Variants in NEURL1 observed in about 807,000 individuals in gnomAD.
NEURL1 encodes E3 ubiquitin-protein ligase NEURL1.
Under a neutral mutation model 41.2 loss-of-function variants are expected in NEURL1, and 26 were observed. The ratio of observed to expected loss-of-function variants is 0.63; its 90% confidence interval spans 0.46 to 0.87. The LOEUF (loss-of-function observed/expected upper bound fraction) is 0.87. NEURL1 is among the 40% of genes least tolerant of loss of function. The pLI, the probability that NEURL1 is intolerant of heterozygous loss-of-function variation, is 0.00. For synonymous variants in NEURL1, 400 were observed against 402.3 expected (o/e 0.99, Z 0.07); for missense variants, 761 against 871.1 (o/e 0.87, Z 1.59).
In NEURL1 at chr10:103,545,992, T is replaced by C. The variant is rs1239322395; in HGVS notation, c.86-24880T>C. Among the ~76,000 whole-genome samples, 3 of 152,160 alleles carry C rather than the reference T, an allele frequency of 2.0e-5. No individual in the cohort carries two copies. Among genetic ancestry groups the C allele is most frequent in the African/African-American group, 4.8e-5 (2 of 41,440 alleles). On this transcript the variant is annotated intron_variant, in intron 1 of 5. Coordinates refer to ENST00000369780, the MANE Select transcript of NEURL1 (RefSeq NM_004210.5). The surrounding 1 kb of genome is among the most constrained non-coding windows in gnomAD (Gnocchi z 4.5). ...CAGCCAAAGTCCAGGGCAGTCCACA[T>C]TGGGATCAAATTTCACTTTTCTTTT... is the stretch of plus-strand genomic sequence containing the variant.
rs926654530 is a variant in NEURL1 at position 103,571,018 on chromosome 10, C to G, written c.232C>G (p.Leu78Val). ...HTKGSQILMDLSHKAVKRQAS... is the reference protein window; with the variant it reads ...HTKGSQILMDVSHKAVKRQAS... The stretch of plus-strand genomic sequence containing the variant: ...CAAGGGCTCCCAGATCCTCATGGAC[C>G]TCAGCCACAAGGCTGTCAAGAGGCA... Residue 78 changes from leucine to valine, a missense_variant, in exon 2 of 6, where the codon CTC (leucine) becomes GTC (valine). Physicochemically the swap from Leu to Val is conservative, Grantham distance 32. This residue lies in a region of NEURL1 where 65 missense variants were observed against 131.6 expected (regional missense o/e 0.49). Transcript: ENST00000369780. 1 of 1,614,046 alleles carries G rather than the reference C, an allele frequency of 6.2e-7. No individual in the cohort carries two copies. The highest frequency in any genetic ancestry group is 1.3e-5 in the African/African-American group (1 of 75,048).
chr10:103,537,382 CT>C (rs1211924935), intron 1 of NEURL1, among the ~76,000 whole-genome samples: 3 of 151,970 alleles, frequency 2.0e-5, no homozygotes, highest in Non-Finnish European at 4.4e-5. Context: ...TTTTTTCCCC[CT>C]ACTCCCTCCT....
intron 4 of NEURL1, among the ~76,000 whole-genome samples, chr10:103,586,005 G>A (rs1181720561): frequency 4.6e-5 from 7 of 151,854 alleles, no homozygotes; most frequent in Non-Finnish European, 1.0e-4. Context: ...TCTGGTTGGG[G>A]GACTCGGGGG....
In NEURL1 at chr10:103,571,019, TCAGC is replaced by T; in HGVS notation, c.236_239del (p.Ser79ThrfsTer29). The T allele has an allele frequency of 6.2e-7, 1 of 1,613,958 alleles. No individual in the cohort carries two copies. Among genetic ancestry groups the T allele is most frequent in the Non-Finnish European group, 8.5e-7 (1 of 1,180,008 alleles). ...AAGGGCTCCCAGATCCTCATGGACC[TCAGC>T]CACAAGGCTGTCAAGAGGCAGGCCA... On this transcript the variant is annotated frameshift_variant, in exon 2 of 6. Transcript: ENST00000369780. LOFTEE classifies it high-confidence loss of function.
chr10:103,505,166 A>G (rs1373075117), intron 1 of NEURL1, among the ~76,000 whole-genome samples: 1 of 145,454 alleles, frequency 6.9e-6, no homozygotes, highest in Non-Finnish European at 1.5e-5. Context: ...CAATCCTCCC[A>G]CCTCAGCCTC....
At chr10:103,510,738 C>G (rs1173145822) in intron 1 of NEURL1, among the ~76,000 whole-genome samples, 1 of 152,226 alleles carries the variant, frequency 6.6e-6, no homozygotes, top group East Asian at 1.9e-4. Context: ...ACCCACACCC[C>G]TCCTCTGTTT....
At chr10:103,590,071 TC>T (rs2036005266) in intron 5 of NEURL1, 62 bp from the exon 6 acceptor site, 1 of 1,508,874 alleles carries the variant, frequency 6.6e-7, no homozygotes, top group Admixed American at 1.7e-5. Flanking sequence ...GGAGCTCTCT[TC>T]CCGTGAATCC....
At chr10:103,535,655 C>T (rs2034675935) in intron 1 of NEURL1, among the ~76,000 whole-genome samples, 1 of 152,116 alleles carries the variant, frequency 6.6e-6, no homozygotes. Context: ...CCTGAGCAGC[C>T]AAGGTACTGT....
intron 1 of NEURL1, among the ~76,000 whole-genome samples, chr10:103,524,508 A>G (rs1267261833): frequency 6.6e-6 from 1 of 152,050 alleles, no homozygotes; most frequent in Non-Finnish European, 1.5e-5. Context: ...TTTCTTTATA[A>G]AATCTTTGCC....
rs1476610091 is a variant in NEURL1 at position 103,585,035 on chromosome 10, C to T, written c.1149C>T (p.Phe383=). The T allele has an allele frequency of 8.2e-6, 13 of 1,587,524 alleles. No individual in the cohort carries two copies. Among genetic ancestry groups the T allele is most frequent in the Non-Finnish European group, 1.0e-5 (12 of 1,175,108 alleles). The change falls in exon 4 of 6, where the codon TTC becomes TTT. Residue 383 remains phenylalanine (F), a synonymous_variant. Transcript: ENST00000369780. ...AGGCCCTGGTGGACCGCAAGGAATT[C>T]TGGGCCGTGTGCCGCGTGCCCGGGC... The part of the protein sequence containing the change: ...SPEALVDRKE[F]WAVCRVPGPL...
At chr10:103,570,408 T>G (rs1401601657) in intron 1 of NEURL1, among the ~76,000 whole-genome samples, 1 of 152,218 alleles carries the variant, frequency 6.6e-6, no homozygotes, top group African/African-American at 2.4e-5. Flanking sequence ...CCATGTATGT[T>G]TCATGTCTGT....
intron 1 of NEURL1, among the ~76,000 whole-genome samples, chr10:103,515,949 C>T (rs886920926): frequency 1.3e-5 from 2 of 152,008 alleles, no homozygotes; most frequent in African/African-American, 4.8e-5. Flanking sequence ...GTGCTTTGGC[C>T]GAGTGCGGTG....
chr10:103,539,817 G>A (rs1340120377), intron 1 of NEURL1, among the ~76,000 whole-genome samples: 7 of 152,208 alleles, frequency 4.6e-5, no homozygotes, highest in Admixed American at 3.9e-4. Context: ...GAATTGTTGG[G>A]TGGACTTTGA....
intron 1 of NEURL1, among the ~76,000 whole-genome samples, chr10:103,532,149 G>A (rs185477152): frequency 5.9e-5 from 9 of 152,308 alleles, no homozygotes; most frequent in African/African-American, 2.2e-4. Flanking sequence ...TTCAGGCAGT[G>A]TATGTCTTTT....
At chr10:103,516,858 C>G (rs2034220064) in intron 1 of NEURL1, among the ~76,000 whole-genome samples, 1 of 152,038 alleles carries the variant, frequency 6.6e-6, no homozygotes, top group South Asian at 2.1e-4. Context: ...TCTCCTTTCT[C>G]CTTTCTTCCT....
Position 103,494,285 on chromosome 10 carries a change from C to G in NEURL1, c.-103C>G. On this transcript the variant is annotated 5_prime_UTR_variant, in exon 1 of 6. Transcript: ENST00000369780. ...GGCTGCAGCCCCAGCAGGGCCCTCC[C>G]CCGGTGGCGCGCACCCGCGCGCGCA... The G allele has an allele frequency of 3.3e-6, 3 of 918,122 alleles. No individual in the cohort carries two copies. The highest frequency in any genetic ancestry group is 4.8e-6 in the Non-Finnish European group (3 of 624,058). The allele number at this position is 918,122 out of a possible 1,614,324, so 56.9% of individuals were successfully genotyped here.
At chr10:103,541,135 G>T (rs1371767250) in intron 1 of NEURL1, among the ~76,000 whole-genome samples, 1 of 152,228 alleles carries the variant, frequency 6.6e-6, no homozygotes, top group Admixed American at 6.5e-5. Flanking sequence ...TGTGTAGGAA[G>T]GATTAGGGAT....
intron 1 of NEURL1, among the ~76,000 whole-genome samples, chr10:103,506,039 C>T (rs2033939031): frequency 1.3e-5 from 2 of 152,186 alleles, no homozygotes; most frequent in African/African-American, 4.8e-5. Context: ...CTGGCTTACC[C>T]AGATGGCCTT....
chr10:103,583,278 C>T (rs905645119), intron 3 of NEURL1, among the ~76,000 whole-genome samples: 6 of 151,956 alleles, frequency 3.9e-5, no homozygotes, highest in Admixed American at 3.3e-4. Context: ...TCATGAATGC[C>T]GAGAAATTAT....
Sources: allele counts gnomAD v4.1 joint callset (sites outside exome capture counted in the v4.1 genomes callset), GRCh38; gene constraint gnomAD v4.1.1; regional missense constraint gnomAD v4.1.1; non-coding constraint Gnocchi (gnomAD v3.1); transcripts MANE v1.5; gene names NCBI Gene and HGNC (gene_info 2026-07-23, HGNC 2026-07-21).